DGKB: variants seen among roughly 807,000 people sequenced by gnomAD.
DGKB encodes the protein diacylglycerol kinase beta.
In DGKB, 67 loss-of-function variants were observed where a neutral mutation model predicts 114.3. The ratio of observed to expected loss-of-function variants is 0.59; its 90% confidence interval spans 0.48 to 0.72. The LOEUF is 0.72. Ranked by LOEUF, DGKB falls within the 30% of genes least tolerant of loss-of-function variation. The pLI, the probability that DGKB is intolerant of heterozygous loss-of-function variation, is 0.00. For synonymous variants in DGKB, 398 were observed against 323.1 expected, an observed-to-expected ratio of 1.23 and a Z score of -2.49; for missense variants, 907 against 975.2, an observed-to-expected ratio of 0.93 and a Z score of 0.93.
chr7:14,819,125 T>C (rs1354586109), intron 2 of DGKB, among the ~76,000 whole-genome samples: 3 of 152,326 alleles, frequency 2.0e-5, no homozygotes, highest in South Asian at 2.1e-4. Flanking sequence ...TCTCTTTTCA[T>C]ATTCTATTTA....
At chr7:14,476,030 AC>A (rs1446499913) in intron 21 of DGKB, among the ~76,000 whole-genome samples, 4 of 151,974 alleles carry the variant, frequency 2.6e-5, no homozygotes, top group Non-Finnish European at 5.9e-5. Flanking sequence ...CCTTTAATGA[AC>A]TTTTTTATGT....
At chr7:14,340,987 C>CT (rs11376529) in intron 22 of DGKB, among the ~76,000 whole-genome samples, 40,269 of 148,536 alleles carry the variant, frequency 0.27, 5,518 homozygotes, top group Middle Eastern at 0.33. Flanking sequence ...AAAGAGGCTT[C>CT]TTTTTTTTTT....
rs943232014 is a variant in DGKB, at chr7:14,338,512, G to C, written c.2122+3C>G. On this transcript the variant is annotated splice_donor_region_variant and intron_variant, in intron 23 of 25. Transcript: ENST00000402815. ...TTTAACAACTAATTGTTAGAAAACT[G>C]ACCTTGACTTGCAAACTTCAACTCT... The C allele has an allele frequency of 7.1e-6, 11 of 1,551,996 alleles. No homozygotes were observed. The African/African-American group carries it at 9.8e-5, about 14-fold the overall frequency.
intron 17 of DGKB, among the ~76,000 whole-genome samples, chr7:14,597,386 T>A (rs1026042452): frequency 6.6e-6 from 1 of 152,194 alleles, no homozygotes; most frequent in Non-Finnish European, 1.5e-5. Flanking sequence ...ATGTACATAA[T>A]TGAAGATTAG....
intron 23 of DGKB, among the ~76,000 whole-genome samples, chr7:14,333,544 T>C (rs1037645925): frequency 1.3e-5 from 2 of 152,240 alleles, no homozygotes; most frequent in Admixed American, 1.3e-4. Flanking sequence ...TAGTATCTTA[T>C]TTTTCATAGA....
In DGKB at chr7:14,260,274, T is replaced by G. The variant is rs1433031938; in HGVS notation, c.2122+78241A>C. On this transcript the variant is annotated intron_variant, in intron 23 of 25. Transcript: ENST00000402815. ...ACACTTGCTGACTTCCAAACAGAAA[T>G]GAAAATTCATAAAGTATATCATTAG... is the stretch of plus-strand genomic sequence containing the variant. Among the ~76,000 whole-genome samples the G allele has an allele frequency of 2.0e-5, 3 of 152,298 alleles. 1 individual carries two copies. In the South Asian group the frequency reaches 6.2e-4, roughly 32 times the overall value.
chr7:14,583,125 G>GAA lies in DGKB; in HGVS notation c.1444_1445dup (p.Arg483SerfsTer10). 5 of 1,610,244 alleles carry GAA rather than the reference G, an allele frequency of 3.1e-6. No homozygotes were observed. The highest frequency in any genetic ancestry group is 4.2e-6 in the Non-Finnish European group (5 of 1,178,108). ...ACACTCTGAAGTCAGGAACATCACG[G>GAA]AAAAAGTTTAACCTGAAAAATAAGC... is the stretch of plus-strand genomic sequence containing the variant. On this transcript the variant is annotated frameshift_variant, in exon 18 of 26. Transcript: ENST00000402815. LOFTEE classifies it high-confidence loss of function.
chr7:14,893,635 T>A (rs1781651621), intron 1 of DGKB, among the ~76,000 whole-genome samples: 2 of 151,362 alleles, frequency 1.3e-5, no homozygotes, highest in African/African-American at 4.8e-5. Flanking sequence ...AACTGTTCAC[T>A]CTAGAATTAC....
rs74821965 is a variant in DGKB, at chr7:14,552,955, G to C, written c.1770+21257C>G. On this transcript the variant is annotated intron_variant, in intron 20 of 25. Transcript: ENST00000402815. ...GAAACCTAGAAAGTCAAATTAAAGAGCCAGTGGTCTTAAGGCTGATAGTGA... is the reference window on the plus strand; with the variant it reads ...GAAACCTAGAAAGTCAAATTAAAGACCCAGTGGTCTTAAGGCTGATAGTGA... Among the ~76,000 whole-genome samples, 981 of 152,296 alleles carry C rather than the reference G, an allele frequency of 6.4e-3. 9 individuals carry two copies. The highest frequency in any genetic ancestry group is 0.022 in the African/African-American group (930 of 41,568).
intron 21 of DGKB, among the ~76,000 whole-genome samples, chr7:14,348,150 C>G (rs558675920): frequency 6.6e-6 from 1 of 150,884 alleles, no homozygotes; most frequent in Non-Finnish European, 1.5e-5. Flanking sequence ...TAACCACCCC[C>G]ACTTCTACCT....
intron 1 of DGKB, among the ~76,000 whole-genome samples, chr7:14,844,713 C>T (rs1260577761): frequency 1.3e-5 from 2 of 152,118 alleles, no homozygotes; most frequent in African/African-American, 2.4e-5. Context: ...ATTCCTGAGG[C>T]CTGTCTGACA....
At chr7:14,254,831 C>T (rs1467578174) in intron 23 of DGKB, among the ~76,000 whole-genome samples, 1 of 152,018 alleles carries the variant, frequency 6.6e-6, no homozygotes, top group Non-Finnish European at 1.5e-5. Flanking sequence ...GAGATTTTTC[C>T]TCTTTACCCC....
intron 21 of DGKB, among the ~76,000 whole-genome samples, chr7:14,451,518 A>C (rs1281363821): frequency 6.7e-6 from 1 of 149,554 alleles, no homozygotes; most frequent in Non-Finnish European, 1.5e-5. Context: ...CATGTGAGCC[A>C]ATTCCTTATA....
At position 14,826,450 on chromosome 7, in the gene DGKB, A is replaced by C. The variant is rs554097892; in HGVS notation, c.70+14744T>G. Reference sequence around the variant, plus strand: ...TTCATGAATAATTTGAACTTAAAGCAGAATGGGGCTTCCTGGTCCCTATAT... The same window carrying C: ...TTCATGAATAATTTGAACTTAAAGCCGAATGGGGCTTCCTGGTCCCTATAT... On this transcript the variant is annotated intron_variant, in intron 2 of 25. Coordinates refer to ENST00000402815, the MANE Select transcript of DGKB (RefSeq NM_001350709.2). Among the ~76,000 whole-genome samples the C allele has an allele frequency of 1.1e-3, 175 of 152,322 alleles. 2 individuals are homozygous for C. Among genetic ancestry groups the C allele is most frequent in the Non-Finnish European group, 5.9e-5 (4 of 68,020 alleles).
At chr7:14,944,309 T>C (rs574849781) in intron 1 of DGKB, among the ~76,000 whole-genome samples, 1 of 151,980 alleles carries the variant, frequency 6.6e-6, no homozygotes, top group Non-Finnish European at 1.5e-5. Flanking sequence ...TAGCAAGTAA[T>C]AGAATTGTCA....
At chr7:14,475,719 C>A (rs1991685) in intron 21 of DGKB, among the ~76,000 whole-genome samples, 77,971 of 151,876 alleles carry the variant, frequency 0.51, 20,514 homozygotes, top group East Asian at 0.76. Flanking sequence ...AGTTTTAATA[C>A]AGTTAGTTTT....
At chr7:14,429,651 G>A (rs988179185) in intron 21 of DGKB, among the ~76,000 whole-genome samples, 6 of 152,090 alleles carry the variant, frequency 3.9e-5, no homozygotes, top group African/African-American at 7.2e-5. Flanking sequence ...GGCCAGGCAC[G>A]GTGGTTCATG....
intron 23 of DGKB, among the ~76,000 whole-genome samples, chr7:14,189,194 G>A (rs926781062): frequency 6.6e-6 from 1 of 152,020 alleles, no homozygotes; most frequent in East Asian, 1.9e-4. Flanking sequence ...AATGTCAAAT[G>A]GTCAAAACCA....
At chr7:14,710,958 T>G (rs1827261362) in intron 6 of DGKB, among the ~76,000 whole-genome samples, 1 of 152,068 alleles carries the variant, frequency 6.6e-6, no homozygotes, top group African/African-American at 2.4e-5. Flanking sequence ...ATGAATGGCT[T>G]GTACTTTAAT....
Sources: allele counts gnomAD v4.1 joint callset (sites outside exome capture counted in the v4.1 genomes callset), GRCh38; gene constraint gnomAD v4.1.1; transcripts MANE v1.5; gene names NCBI Gene and HGNC (gene_info 2026-07-23, HGNC 2026-07-21).